Variants in UCHL3 observed in about 807,000 individuals in gnomAD.
UCHL3 encodes the protein ubiquitin carboxyl-terminal hydrolase isozyme L3.
A neutral mutation model predicts 35.8 loss-of-function variants in UCHL3; 22 were observed. The ratio of observed to expected loss-of-function variants is 0.61; its 90% CI spans 0.44 to 0.88. The LOEUF is 0.88. Ranked by LOEUF, UCHL3 falls within the 40% of genes least tolerant of loss-of-function variation. The pLI is 0.00. For synonymous variants in UCHL3, 90 were observed against 92.8 expected, an observed-to-expected ratio of 0.97 and a Z score of 0.17; for missense variants, 229 against 276.9, an observed-to-expected ratio of 0.83 and a Z score of 1.23.
chr13:75,565,656 T>C (rs2031659329), intron 3 of UCHL3, among the ~76,000 whole-genome samples: 1 of 152,344 alleles, frequency 6.6e-6, no homozygotes, highest in Non-Finnish European at 1.5e-5. Flanking sequence ...TAATGAAATT[T>C]TACTTATGAA....
chr13:75,594,779 C>A, intron 6 of UCHL3, 136 bp from the exon 7 acceptor site: 2 of 699,022 alleles, frequency 2.9e-6, no homozygotes, highest in Admixed American at 2.9e-5. Flanking sequence ...TCCATTATAC[C>A]AAACATTAAG....
intron 6 of UCHL3, 134 bp from the exon 7 acceptor site, chr13:75,594,781 A>G (rs2032600001): frequency 1.4e-6 from 1 of 710,706 alleles, no homozygotes. Context: ...CATTATACCA[A>G]ACATTAAGCC....
intron 6 of UCHL3, among the ~76,000 whole-genome samples, chr13:75,577,963 C>G (rs866301684): frequency 6.8e-6 from 1 of 147,020 alleles, no homozygotes; most frequent in Non-Finnish European, 1.5e-5. Context: ...CTGCCCAGAA[C>G]CCCCCCATGT....
At chr13:75,553,227 T>G (rs928361045) in intron 2 of UCHL3, among the ~76,000 whole-genome samples, 1 of 152,232 alleles carries the variant, frequency 6.6e-6, no homozygotes, top group African/African-American at 2.4e-5. Flanking sequence ...TTACCTGTTT[T>G]CCTTCTTTGT....
intron 6 of UCHL3, among the ~76,000 whole-genome samples, chr13:75,579,716 C>T (rs2032127589): frequency 6.6e-6 from 1 of 152,130 alleles, no homozygotes. Context: ...TGAAACTCGT[C>T]TAAGAATGCT....
chr13:75,585,592 A>G (rs1012190051), intron 6 of UCHL3, among the ~76,000 whole-genome samples: 1 of 152,180 alleles, frequency 6.6e-6, no homozygotes, highest in African/African-American at 2.4e-5. Flanking sequence ...AGCATTGAAA[A>G]TGGAACAAAT....
chr13:75,550,099 G>T, intron 2 of UCHL3, 112 bp downstream of exon 2: 1 of 1,536,920 alleles, frequency 6.5e-7, no homozygotes, highest in Non-Finnish European at 9.0e-7. Flanking sequence ...TTAATTTCTT[G>T]AGGGCCCCTC....
intron 6 of UCHL3, among the ~76,000 whole-genome samples, chr13:75,589,714 A>G (rs915661842): frequency 6.6e-6 from 1 of 152,298 alleles, no homozygotes; most frequent in African/African-American, 2.4e-5. Flanking sequence ...AATATTATCA[A>G]TGTACACATA....
At chr13:75,598,900 C>T (rs1175840454) in intron 7 of UCHL3, among the ~76,000 whole-genome samples, 1 of 152,096 alleles carries the variant, frequency 6.6e-6, no homozygotes, top group African/African-American at 2.4e-5. Context: ...ACATTAGAAG[C>T]TTTCCTTTTC....
intron 6 of UCHL3, among the ~76,000 whole-genome samples, chr13:75,577,499 A>C (rs1051380687): frequency 2.0e-5 from 3 of 152,122 alleles, no homozygotes; most frequent in African/African-American, 7.2e-5. Flanking sequence ...TGGTGTCTTC[A>C]GGGGGGTCCT....
At chr13:75,596,684 C>T (rs2032653798) in intron 7 of UCHL3, among the ~76,000 whole-genome samples, 1 of 151,838 alleles carries the variant, frequency 6.6e-6, no homozygotes, top group Non-Finnish European at 1.5e-5. Flanking sequence ...AAAAGAAAAC[C>T]TCTCTAATGA....
At chr13:75,579,517 CT>C (rs772647324) in intron 6 of UCHL3, among the ~76,000 whole-genome samples, 4 of 152,030 alleles carry the variant, frequency 2.6e-5, no homozygotes, top group Non-Finnish European at 4.4e-5. Context: ...GAGGCCTTCC[CT>C]TTCCCCTTTT....
intron 6 of UCHL3, among the ~76,000 whole-genome samples, chr13:75,592,778 A>C (rs2032546770): frequency 6.6e-6 from 1 of 151,984 alleles, no homozygotes; most frequent in Non-Finnish European, 1.5e-5. Context: ...TTGTATTTTT[A>C]GTATGCACTT....
rs193012436 is a variant in UCHL3, at chr13:75,556,134, A to G, written c.55-4619A>G. ...ACAGTGGGCTATTACATTATCTTAA[A>G]TGATCCTTCTTTTAAAGCAAACTAA... On this transcript the variant is annotated intron_variant, in intron 2 of 8. Coordinates refer to ENST00000377595, the MANE Select transcript of UCHL3 (RefSeq NM_006002.5). 9.8e-5 allele frequency among the ~76,000 whole-genome samples: 15 copies of G among 152,314 alleles called. No individual in the cohort carries two copies. In the East Asian group the frequency reaches 2.9e-3, roughly 29 times the overall value.
chr13:75,549,710 C>A, upstream of UCHL3: 1 of 1,294,702 alleles, frequency 7.7e-7, no homozygotes, highest in Non-Finnish European at 1.0e-6. Flanking sequence ...TTTAGGCGCT[C>A]CTCCTCCGGG....
At chr13:75,552,044 G>A (rs1267257721) in intron 2 of UCHL3, among the ~76,000 whole-genome samples, 1 of 152,156 alleles carries the variant, frequency 6.6e-6, no homozygotes, top group African/African-American at 2.4e-5. Context: ...AGTGACAGGA[G>A]ACCTTTCTGA....
intron 2 of UCHL3, among the ~76,000 whole-genome samples, chr13:75,555,189 C>T (rs1205074581): frequency 6.6e-6 from 1 of 152,142 alleles, no homozygotes; most frequent in Admixed American, 6.5e-5. Flanking sequence ...TCATCCACTC[C>T]TGTTTGTTTC....
At chr13:75,554,549 ACAGTGCAAGCCACCATCCTTAG>A (rs1225958395) in intron 2 of UCHL3, among the ~76,000 whole-genome samples, 1 of 152,176 alleles carries the variant, frequency 6.6e-6, no homozygotes, top group Non-Finnish European at 1.5e-5. Context: ...TTCAGCTGCC[ACAGTGCAAGCCACCATCCTTAG>A]CTTGGACAAC....
intron 6 of UCHL3, among the ~76,000 whole-genome samples, chr13:75,592,940 C>T (rs2138569148): frequency 6.6e-6 from 1 of 152,178 alleles, no homozygotes; most frequent in Non-Finnish European, 1.5e-5. Flanking sequence ...CTCATTTAAA[C>T]CTCGAGGTGG....
Sources: gnomAD v4.1 joint callset for allele counts (sites outside exome capture counted in the v4.1 genomes callset) on GRCh38, gnomAD v4.1.1 for gene constraint, MANE v1.5 for transcripts, NCBI Gene and HGNC (gene_info 2026-07-23, HGNC 2026-07-21) for gene names.